The following LGSN variants were observed in gnomAD, a reference collection of about 807,000 sequenced individuals.
The protein encoded by LGSN is lengsin, lens protein with glutamine synthetase domain.
Under a neutral mutation model 19.5 loss-of-function variants are expected in LGSN, and 21 were observed. The observed-to-expected ratio is 1.07, with a 90% CI of 0.76 to 1.55. The LOEUF is 1.55. Among genes scored for constraint, LGSN ranks in the 40% most tolerant of loss-of-function variants. The pLI is 0.00. For missense variants in LGSN, 673 were observed against 608.5 expected, an observed-to-expected ratio of 1.11 and a Z score of -1.12; for synonymous variants, 257 against 215.6, an observed-to-expected ratio of 1.19 and a Z score of -1.68.
chr6:63,412,529 G>GAAAGAAGGAAGGAAAGAAA, the LGSN span, among the ~76,000 whole-genome samples: 4 of 32,376 alleles, frequency 1.2e-4, no homozygotes, highest in African/African-American at 3.8e-4. Flanking sequence ...AAAGAAAGAA[G>GAAAGAAGGAAGGAAAGAAA]GAAAGAAAGA....
At chr6:63,542,426 TAA>T in the LGSN span, among the ~76,000 whole-genome samples, 1 of 144,324 alleles carries the variant, frequency 6.9e-6, no homozygotes, top group South Asian at 2.2e-4. Context: ...CCTATGGAAA[TAA>T]AAAAAAAAAC....
At chr6:63,295,066 A>G (rs1442067046) in intron 1 of LGSN, 21 bp from the exon 2 acceptor site, 3 of 1,606,402 alleles carry the variant, frequency 1.9e-6, no homozygotes, top group Non-Finnish European at 2.6e-6. Flanking sequence ...TTAATAAACA[A>G]AAAGCCAAAT....
At chr6:63,365,183 C>T in the LGSN span, among the ~76,000 whole-genome samples, 35 of 151,942 alleles carry the variant, frequency 2.3e-4, no homozygotes, top group Non-Finnish European at 3.7e-4. Context: ...AATTGACAGA[C>T]CACTAGCAAG....
intron 1 of LGSN, among the ~76,000 whole-genome samples, chr6:63,318,756 T>C (rs904456186): frequency 1.3e-5 from 2 of 152,120 alleles, no homozygotes; most frequent in African/African-American, 2.4e-5. Context: ...TGGACTAAAA[T>C]TGTGGGAGCT....
At chr6:63,419,643 CT>C in the LGSN span, among the ~76,000 whole-genome samples, 1 of 152,004 alleles carries the variant, frequency 6.6e-6, no homozygotes, top group Non-Finnish European at 1.5e-5. Flanking sequence ...AATCCTAGCA[CT>C]TTGGGAGGCC....
chr6:63,351,255 T>C, the LGSN span, among the ~76,000 whole-genome samples: 1 of 152,188 alleles, frequency 6.6e-6, no homozygotes, highest in Non-Finnish European at 1.5e-5. Context: ...TTCAGAACTG[T>C]GAGAAATACA....
chr6:63,443,219 C>T, the LGSN span, among the ~76,000 whole-genome samples: 180 of 152,334 alleles, frequency 1.2e-3, 3 homozygotes, highest in African/African-American at 4.2e-3. Context: ...GCGCCAGTGG[C>T]GCTGGCAGGC....
the LGSN span, among the ~76,000 whole-genome samples, chr6:63,328,778 G>A: frequency 1.3e-5 from 2 of 152,208 alleles, no homozygotes; most frequent in African/African-American, 4.8e-5. Context: ...GGCTGTTTCT[G>A]CCTCTGGTTC....
At chr6:63,514,602 A>G in the LGSN span, among the ~76,000 whole-genome samples, 1 of 152,214 alleles carries the variant, frequency 6.6e-6, no homozygotes, top group Admixed American at 6.5e-5. Flanking sequence ...TGAAATGTCT[A>G]TTGACTTCTA....
At chr6:63,443,257 C>G in the LGSN span, among the ~76,000 whole-genome samples, 4 of 152,230 alleles carry the variant, frequency 2.6e-5, no homozygotes, top group South Asian at 8.3e-4. Flanking sequence ...CTGCCGAGCC[C>G]GCGCCCACCT....
chr6:63,568,801 C>A, the LGSN span, among the ~76,000 whole-genome samples: 2 of 152,084 alleles, frequency 1.3e-5, no homozygotes, highest in African/African-American at 4.8e-5. Context: ...TAAACTTTAA[C>A]AATGCTGACA....
the LGSN span, among the ~76,000 whole-genome samples, chr6:63,553,986 C>T: frequency 5.9e-5 from 9 of 152,158 alleles, no homozygotes; most frequent in African/African-American, 2.2e-4. Flanking sequence ...CTTATAACCA[C>T]ACCTGAAAAT....
the LGSN span, among the ~76,000 whole-genome samples, chr6:63,454,829 C>G: frequency 1.2e-5 from 1 of 80,176 alleles, no homozygotes; most frequent in East Asian, 4.0e-4. Context: ...GAGTCTTTGT[C>G]TGTCACCCAG....
the LGSN span, among the ~76,000 whole-genome samples, chr6:63,374,540 T>C: frequency 1.3e-5 from 2 of 152,194 alleles, no homozygotes; most frequent in Non-Finnish European, 2.9e-5. Context: ...CACATTTTAG[T>C]TGGAATAGAC....
chr6:63,369,704 AG>A, the LGSN span, among the ~76,000 whole-genome samples: 1 of 152,200 alleles, frequency 6.6e-6, no homozygotes, highest in Non-Finnish European at 1.5e-5. Flanking sequence ...CTCTCTTAAT[AG>A]GAATAGAGTA....
At chr6:63,326,659 A>G in the LGSN span, among the ~76,000 whole-genome samples, 449 of 151,640 alleles carry the variant, frequency 3.0e-3, 3 homozygotes, top group African/African-American at 0.01. Flanking sequence ...TGGCACTGCT[A>G]GGGGACCCAG....
chr6:63,433,135 T>A, the LGSN span, among the ~76,000 whole-genome samples: 1 of 152,006 alleles, frequency 6.6e-6, no homozygotes, highest in East Asian at 1.9e-4. Context: ...CCTGTCCATC[T>A]GGCTCTTTTA....
chr6:63,422,600 A>T, the LGSN span, among the ~76,000 whole-genome samples: 1 of 152,236 alleles, frequency 6.6e-6, no homozygotes, highest in East Asian at 1.9e-4. Context: ...TGACATTAGT[A>T]GACTGAGATA....
At chr6:63,322,654 A>T (rs1769111786), upstream of LGSN, among the ~76,000 whole-genome samples, 1 of 151,904 alleles carries the variant, frequency 6.6e-6, no homozygotes, top group African/African-American at 2.4e-5. Context: ...TGGTTCTAGA[A>T]CTCCTGTTCA....
Sources: gnomAD v4.1 joint callset for allele counts (sites outside exome capture counted in the v4.1 genomes callset) on GRCh38, gnomAD v4.1.1 for gene constraint, MANE v1.5 for transcripts, NCBI Gene and HGNC (gene_info 2026-07-23, HGNC 2026-07-21) for gene names.